G3BP1: variants seen among roughly 807,000 people sequenced by gnomAD.
The protein encoded by G3BP1 is G3BP stress granule assembly factor 1, also known as ras GTPase-activating protein-binding protein 1.
A neutral mutation model predicts 58.6 loss-of-function variants in G3BP1; 35 were observed. That is an observed-to-expected ratio of 0.60 (90% CI 0.46 to 0.79). The LOEUF is 0.79. Ranked by LOEUF, G3BP1 falls within the 30% of genes least tolerant of loss-of-function variation. The pLI, the probability that G3BP1 is intolerant of heterozygous loss-of-function variation, is 0.00. For missense variants in G3BP1, 523 were observed against 580.8 expected (o/e 0.90, Z 1.02); for synonymous variants, 191 against 195.4 (o/e 0.98, Z 0.19).
chr5:151,772,147 C>T (rs1762274241), intron 1 of G3BP1, 111 bp downstream of exon 1: 2 of 151,512 alleles, frequency 1.3e-5, no homozygotes, highest in South Asian at 4.1e-4. Flanking sequence ...CAGTCGCGTC[C>T]CCCACCCCAA....
At chr5:151,774,739 C>A (rs1445206796) in intron 1 of G3BP1, among the ~76,000 whole-genome samples, 1 of 151,238 alleles carries the variant, frequency 6.6e-6, no homozygotes, top group Non-Finnish European at 1.5e-5. Flanking sequence ...GAAAGCCTCG[C>A]CCGCCCCCCA....
intron 1 of G3BP1, 110 bp from the exon 2 acceptor site, chr5:151,786,458 CTGTT>C (rs1581575038): frequency 3.2e-6 from 2 of 629,032 alleles, no homozygotes; most frequent in Non-Finnish European, 5.8e-6. Context: ...TGTATGGGCT[CTGTT>C]TGTTTTTATG....
chr5:151,776,717 T>A (rs1286649695), intron 1 of G3BP1, among the ~76,000 whole-genome samples: 3 of 152,020 alleles, frequency 2.0e-5, no homozygotes, highest in Non-Finnish European at 4.4e-5. Flanking sequence ...ACAATTATCC[T>A]TGCTGATGTT....
intron 2 of G3BP1, among the ~76,000 whole-genome samples, chr5:151,788,007 C>T (rs1191480460): frequency 6.6e-6 from 1 of 151,806 alleles, no homozygotes; most frequent in African/African-American, 2.4e-5. Flanking sequence ...TCACTGCAGC[C>T]TTGAACTCTT....
In G3BP1 at chr5:151,799,221, T is replaced by A. The variant is rs1419193071; in HGVS notation, c.751T>A (p.Trp251Arg). 6.4e-7 allele frequency: 1 copy of A among 1,556,878 alleles called. No individual in the cohort carries two copies. Among genetic ancestry groups the A allele is most frequent in the African/African-American group, 1.4e-5 (1 of 73,810 alleles). ...TVQEDLRTFS[W>R]ASVTSKNLPP... ...GGTATTGCTCCCTTAGACATTTTCT[T>A]GGGCATCTGTGACCAGTAAGAATCT... Residue 251 changes from tryptophan to arginine, a missense_variant, in exon 8 of 12, where the codon TGG becomes AGG. Physicochemically the swap from Trp to Arg is moderately radical, Grantham distance 101. This residue lies in a region of G3BP1 where 398 missense variants were observed against 399.1 expected (regional missense o/e 1.00). Transcript: ENST00000356245.
At chr5:151,774,848 C>T (rs922770480) in intron 1 of G3BP1, among the ~76,000 whole-genome samples, 2 of 152,132 alleles carry the variant, frequency 1.3e-5, no homozygotes, top group Non-Finnish European at 2.9e-5. Flanking sequence ...GATTCAGCAA[C>T]TATTATCTTA....
chr5:151,794,090 A>G, intron 4 of G3BP1, 69 bp from the exon 5 acceptor site: 1 of 890,432 alleles, frequency 1.1e-6, no homozygotes, highest in African/African-American at 1.6e-5. Context: ...CCCAGTCACC[A>G]ATGGTGTAGA....
chr5:151,785,548 C>T (rs1762542286), intron 1 of G3BP1, among the ~76,000 whole-genome samples: 2 of 152,048 alleles, frequency 1.3e-5, no homozygotes, highest in African/African-American at 2.4e-5. Flanking sequence ...ATCTCTTCCC[C>T]CGTGAATGAA....
Position 151,811,850 on chromosome 5 carries a change from A to T in G3BP1, c.*7759A>T, listed in dbSNP as rs1227111165. ...CATTAAGGCCATACCAAGTTTATACATATATACAAAGAAATTTCCATATAA... is the reference window on the plus strand; with the variant it reads ...CATTAAGGCCATACCAAGTTTATACTTATATACAAAGAAATTTCCATATAA... On this transcript the variant is annotated 3_prime_UTR_variant, in exon 12 of 12. Transcript: ENST00000356245. 6.6e-6 allele frequency: 1 copy of T among 152,214 alleles called. No individual in the cohort carries two copies. Among genetic ancestry groups the T allele is most frequent in the Non-Finnish European group, 1.5e-5 (1 of 68,042 alleles). The allele number at this position is 152,214 out of a possible 1,614,324, so 9.4% of individuals were successfully genotyped here.
At chr5:151,800,660 G>T in intron 10 of G3BP1, 100 bp from the exon 11 acceptor site, 1 of 765,134 alleles carries the variant, frequency 1.3e-6, no homozygotes, top group Non-Finnish European at 2.4e-6. Flanking sequence ...CAAGTGCTCA[G>T]TAGTCACATG....
rs527753489 is a variant in G3BP1 at position 151,804,342 on chromosome 5, A to G, written c.*251A>G. On this transcript the variant is annotated 3_prime_UTR_variant, in exon 12 of 12. Coordinates refer to ENST00000356245, the MANE Select transcript of G3BP1 (RefSeq NM_005754.3). The stretch of plus-strand genomic sequence containing the variant: ...ATAACGGACTTTTAAAGAAGCAAAA[A>G]AAAAGACTGAATTTCCTTGCTTACT... 5.5e-6 allele frequency: 2 copies of G among 364,116 alleles called. No homozygotes were observed. The highest frequency in any genetic ancestry group is 1.2e-4 in the South Asian group (1 of 8,132). The allele number at this position is 364,116 out of a possible 1,614,324, so 22.6% of individuals were successfully genotyped here.
At chr5:151,803,315 GGGACGGAGTCTCAC>G (rs1295055076) in intron 11 of G3BP1, among the ~76,000 whole-genome samples, 1 of 151,026 alleles carries the variant, frequency 6.6e-6, no homozygotes, top group Non-Finnish European at 1.5e-5. Context: ...ATTTTTTATT[GGGACGGAGTCTCAC>G]TCTGTCGCCC....
intron 1 of G3BP1, among the ~76,000 whole-genome samples, chr5:151,785,542 C>T (rs1053884520): frequency 2.2e-4 from 34 of 152,190 alleles, no homozygotes; most frequent in Non-Finnish European, 4.4e-4. Flanking sequence ...AATTTTATCT[C>T]TTCCCCCGTG....
At chr5:151,795,951 A>T (rs1762741904) in intron 6 of G3BP1, among the ~76,000 whole-genome samples, 1 of 152,224 alleles carries the variant, frequency 6.6e-6, no homozygotes, top group Admixed American at 6.5e-5. Context: ...GCATAAATTG[A>T]TATAAATACC....
intron 1 of G3BP1, among the ~76,000 whole-genome samples, chr5:151,784,746 A>T (rs1273570741): frequency 2.6e-5 from 4 of 152,140 alleles, no homozygotes; most frequent in Non-Finnish European, 5.9e-5. Flanking sequence ...GTGGAATTTA[A>T]AAAAAGTACT....
chr5:151,800,892 T>A, intron 11 of G3BP1, 23 bp downstream of exon 11: 7 of 559,888 alleles, frequency 1.3e-5, no homozygotes, highest in Admixed American at 4.2e-5. Flanking sequence ...TTGTCTTGAT[T>A]TTTTTTTTTT....
chr5:151,790,789 A>G (rs546570383), intron 3 of G3BP1, 100 bp from the exon 4 acceptor site: 37 of 682,108 alleles, frequency 5.4e-5, no homozygotes, highest in African/African-American at 4.9e-4. Context: ...AAATATACAC[A>G]TTCTCTTTGT....
At chr5:151,794,370 A>C (rs895869231) in intron 5 of G3BP1, 121 bp downstream of exon 5, 1 of 634,144 alleles carries the variant, frequency 1.6e-6, no homozygotes, top group Non-Finnish European at 2.8e-6. Flanking sequence ...TTAATAACTA[A>C]TTATGGTATA....
intron 1 of G3BP1, among the ~76,000 whole-genome samples, chr5:151,784,012 C>T (rs1034150639): frequency 9.9e-5 from 15 of 152,118 alleles, no homozygotes; most frequent in African/African-American, 3.1e-4. Context: ...CCGCTCGCCT[C>T]GGCCTCCGAA....
Sources: gnomAD v4.1 joint callset for allele counts (sites outside exome capture counted in the v4.1 genomes callset) on GRCh38, gnomAD v4.1.1 for gene constraint, gnomAD v4.1.1 regional missense constraint, MANE v1.5 for transcripts, NCBI Gene and HGNC (gene_info 2026-07-23, HGNC 2026-07-21) for gene names.